The following UGT8 variants were observed in gnomAD, a reference collection of about 807,000 sequenced individuals.
The protein encoded by UGT8 is 2-hydroxyacylsphingosine 1-beta-galactosyltransferase.
UGT8 carries 12 observed loss-of-function variants against 40.5 expected under a neutral mutation model. That is an observed-to-expected ratio of 0.30 (90% CI 0.19 to 0.48). The LOEUF (loss-of-function observed/expected upper bound fraction) is 0.48. Among genes scored for constraint, UGT8 ranks in the 20% least tolerant of loss-of-function variants. UGT8 has a pLI of 0.99. For missense variants in UGT8, 513 were observed against 648.7 expected (o/e 0.79, Z 2.27); for synonymous variants, 224 against 240.4 (o/e 0.93, Z 0.63).
intron 2 of UGT8, among the ~76,000 whole-genome samples, chr4:114,640,452 G>T (rs938583294): frequency 1.3e-5 from 2 of 149,330 alleles, no homozygotes; most frequent in African/African-American, 4.8e-5. Flanking sequence ...AATAAAATAA[G>T]AGATTTTTTT....
At chr4:114,655,066 G>GT (rs751913600) in intron 2 of UGT8, among the ~76,000 whole-genome samples, 2,936 of 138,276 alleles carry the variant, frequency 0.021, 37 homozygotes, top group African/African-American at 0.035. Flanking sequence ...TTTGTTTTTT[G>GT]TTTTTTTTTT....
Position 114,676,004 on chromosome 4 carries a change from A to G in UGT8, c.1342A>G (p.Ile448Val). Reference protein sequence around the residue: ...GHPVNRTIYWIDYIIRHNGAH... With the variant: ...GHPVNRTIYWVDYIIRHNGAH... ...CCCTGTCAATCGAACTATCTATTGG[A>G]TAGATTATATTATTCGTCACAATGG... The change falls in exon 6 of 6, where the codon ATA becomes GTA. Residue 448 changes from isoleucine to valine, a missense_variant. Physicochemically the swap from Ile to Val is conservative, Grantham distance 29. Transcript: ENST00000310836. 1 of 1,614,148 alleles carries G rather than the reference A, an allele frequency of 6.2e-7. No homozygotes were observed.
intron 2 of UGT8, among the ~76,000 whole-genome samples, chr4:114,647,291 C>T (rs1733628251): frequency 6.6e-6 from 1 of 151,648 alleles, no homozygotes; most frequent in African/African-American, 2.4e-5. Flanking sequence ...TAATAACAAC[C>T]AATGCTCGTT....
At chr4:114,616,984 G>T (rs1731481853) in intron 1 of UGT8, among the ~76,000 whole-genome samples, 1 of 152,132 alleles carries the variant, frequency 6.6e-6, no homozygotes, top group Non-Finnish European at 1.5e-5. Context: ...TGTGCATGGT[G>T]GCTCATGCCT....
chr4:114,616,979 A>G (rs1264347918), intron 1 of UGT8, among the ~76,000 whole-genome samples: 6 of 152,144 alleles, frequency 3.9e-5, no homozygotes, highest in Admixed American at 2.6e-4. Context: ...TGTGCTGTGC[A>G]TGGTGGCTCA....
chr4:114,633,223 T>C (rs889773523), intron 2 of UGT8, among the ~76,000 whole-genome samples: 2 of 152,236 alleles, frequency 1.3e-5, no homozygotes, highest in Non-Finnish European at 2.9e-5. Context: ...CAGTTCATGG[T>C]TTTTTTGTTT....
intron 1 of UGT8, among the ~76,000 whole-genome samples, chr4:114,608,569 T>C (rs563685468): frequency 2.6e-5 from 4 of 152,258 alleles, no homozygotes; most frequent in Admixed American, 2.0e-4. Context: ...ACATATCTTA[T>C]AGGGATTGCT....
chr4:114,667,466 A>T (rs1326042015), intron 4 of UGT8, among the ~76,000 whole-genome samples: 1 of 152,100 alleles, frequency 6.6e-6, no homozygotes, highest in Non-Finnish European at 1.5e-5. Context: ...ATAACAACTA[A>T]ATGTTATGTG....
At chr4:114,612,456 TTATGTGCAGTTGGAC>T (rs1157108615) in intron 1 of UGT8, among the ~76,000 whole-genome samples, 1 of 152,170 alleles carries the variant, frequency 6.6e-6, no homozygotes, top group African/African-American at 2.4e-5. Flanking sequence ...CAGGTGATTA[TTATGTGCAGTTGGAC>T]TATAGCCATA....
At chr4:114,647,886 G>A (rs1373399468) in intron 2 of UGT8, among the ~76,000 whole-genome samples, 1 of 152,112 alleles carries the variant, frequency 6.6e-6, no homozygotes, top group African/African-American at 2.4e-5. Context: ...CTTTGTCCTT[G>A]TTCTTGACGG....
chr4:114,638,215 G>A (rs1733006439), intron 2 of UGT8, among the ~76,000 whole-genome samples: 1 of 152,154 alleles, frequency 6.6e-6, no homozygotes, highest in South Asian at 2.1e-4. Flanking sequence ...ACAAGATTTA[G>A]CAGAACACAG....
intron 3 of UGT8, 55 bp downstream of exon 3, chr4:114,664,192 T>G: frequency 6.3e-7 from 1 of 1,587,988 alleles, no homozygotes; most frequent in Non-Finnish European, 8.6e-7. Flanking sequence ...ATCTCCTTGT[T>G]TAGTGCACAG....
At chr4:114,638,004 C>G (rs1467429489) in intron 2 of UGT8, among the ~76,000 whole-genome samples, 1 of 152,134 alleles carries the variant, frequency 6.6e-6, no homozygotes, top group Non-Finnish European at 1.5e-5. Context: ...TATTTTAAAC[C>G]TCTGGCAGAT....
intron 1 of UGT8, among the ~76,000 whole-genome samples, chr4:114,616,610 C>T (rs1731453520): frequency 6.6e-6 from 1 of 152,078 alleles, no homozygotes; most frequent in African/African-American, 2.4e-5. Flanking sequence ...CACTGTCCTG[C>T]ACCCACTGTC....
chr4:114,658,181 C>A (rs1180477074), intron 2 of UGT8, among the ~76,000 whole-genome samples: 1 of 152,124 alleles, frequency 6.6e-6, no homozygotes, highest in African/African-American at 2.4e-5. Context: ...TTCTTTGCAA[C>A]CCACCTGACC....
At chr4:114,649,399 T>C (rs1014911899) in intron 2 of UGT8, among the ~76,000 whole-genome samples, 9 of 152,184 alleles carry the variant, frequency 5.9e-5, no homozygotes, top group South Asian at 2.1e-4. Context: ...GATTATGTTT[T>C]AACACACATA....
chr4:114,655,543 C>A (rs192733052), intron 2 of UGT8, among the ~76,000 whole-genome samples: 7 of 152,032 alleles, frequency 4.6e-5, no homozygotes, highest in Admixed American at 4.6e-4. Flanking sequence ...TGTAATATAA[C>A]AATCCCCAAC....
intron 1 of UGT8, among the ~76,000 whole-genome samples, chr4:114,618,533 C>T (rs1461391179): frequency 1.3e-5 from 2 of 152,146 alleles, no homozygotes; most frequent in Non-Finnish European, 2.9e-5. Context: ...ACTCAAATTT[C>T]CAGTGGAGCT....
chr4:114,624,686 A>G (rs929409741), intron 2 of UGT8, among the ~76,000 whole-genome samples: 1 of 152,188 alleles, frequency 6.6e-6, no homozygotes, highest in African/African-American at 2.4e-5. Context: ...GGACAATCAC[A>G]TGGCTGAATT....
Sources: gnomAD v4.1 joint callset for allele counts (sites outside exome capture counted in the v4.1 genomes callset) on GRCh38, gnomAD v4.1.1 for gene constraint, MANE v1.5 for transcripts, NCBI Gene and HGNC (gene_info 2026-07-23, HGNC 2026-07-21) for gene names.